Variants in ADK observed in about 807,000 individuals in gnomAD.
The protein encoded by ADK is adenosine kinase.
ADK carries 24 observed loss-of-function variants against 44.7 expected under a neutral mutation model. The observed-to-expected ratio is 0.54, with a 90% CI of 0.39 to 0.76. The LOEUF is 0.76. Ranked by LOEUF, ADK falls within the 30% of genes least tolerant of loss-of-function variation. The pLI is 0.00. For synonymous variants in ADK, 128 were observed against 142.6 expected, an observed-to-expected ratio of 0.90 and a Z score of 0.73; for missense variants, 321 against 425.1, an observed-to-expected ratio of 0.76 and a Z score of 2.15.
chr10:74,628,878 G>A (rs751406103), intron 9 of ADK, among the ~76,000 whole-genome samples: 9 of 152,146 alleles, frequency 5.9e-5, no homozygotes, highest in Non-Finnish European at 1.2e-4. Flanking sequence ...GACTAGGAGG[G>A]ATAATCAGTC....
intron 3 of ADK, among the ~76,000 whole-genome samples, chr10:74,285,033 C>T (rs1424260380): frequency 6.6e-6 from 1 of 152,188 alleles, no homozygotes; most frequent in African/African-American, 2.4e-5. Flanking sequence ...GTGCTAGGCA[C>T]TTCATGTATT....
chr10:74,187,202 C>A (rs1042071981), intron 1 of ADK, among the ~76,000 whole-genome samples: 1 of 151,874 alleles, frequency 6.6e-6, no homozygotes, highest in African/African-American at 2.4e-5. Flanking sequence ...TGATTATTGG[C>A]CATTTGCTTA....
intron 4 of ADK, among the ~76,000 whole-genome samples, chr10:74,343,690 C>A (rs182348764): frequency 4.7e-4 from 71 of 152,302 alleles, no homozygotes; most frequent in Non-Finnish European, 8.5e-4. Context: ...CTCACTGCAA[C>A]TTCTGCCTCC....
At chr10:74,363,205 T>A (rs1484422840) in intron 4 of ADK, among the ~76,000 whole-genome samples, 1 of 152,148 alleles carries the variant, frequency 6.6e-6, no homozygotes, top group Non-Finnish European at 1.5e-5. Flanking sequence ...CAGTTGGGCG[T>A]GTGTCTCCCA....
At chr10:74,541,682 A>G (rs1340319263) in intron 7 of ADK, among the ~76,000 whole-genome samples, 1 of 151,274 alleles carries the variant, frequency 6.6e-6, no homozygotes, top group Non-Finnish European at 1.5e-5. Flanking sequence ...AGTCCCAACT[A>G]CTTGGGAGGC....
chr10:74,502,105 C>G (rs1458172521), intron 6 of ADK, among the ~76,000 whole-genome samples: 1 of 152,092 alleles, frequency 6.6e-6, no homozygotes, highest in Non-Finnish European at 1.5e-5. Context: ...TAAAACTCAT[C>G]AAGATTAAAT....
chr10:74,299,514 A>G (rs1839929060), intron 3 of ADK, among the ~76,000 whole-genome samples: 1 of 83,578 alleles, frequency 1.2e-5, no homozygotes, highest in Non-Finnish European at 3.3e-5. Flanking sequence ...AAAAAAAAAG[A>G]AATATATATA....
intron 6 of ADK, among the ~76,000 whole-genome samples, chr10:74,514,625 T>C (rs193102017): frequency 1.3e-5 from 2 of 152,294 alleles, no homozygotes; most frequent in East Asian, 3.9e-4. Context: ...TATCTGTCTT[T>C]GTTGAATTTC....
intron 3 of ADK, among the ~76,000 whole-genome samples, chr10:74,282,485 T>G (rs1454921915): frequency 6.6e-6 from 1 of 152,334 alleles, no homozygotes; most frequent in East Asian, 1.9e-4. Context: ...TGTACTAAAA[T>G]ATTACGAATA....
chr10:74,337,273 C>A (rs780787559), intron 4 of ADK, among the ~76,000 whole-genome samples: 1 of 152,168 alleles, frequency 6.6e-6, no homozygotes, highest in Non-Finnish European at 1.5e-5. Flanking sequence ...CTGGGAAAGT[C>A]AGTGTCAAAT....
chr10:74,354,195 T>C (rs1306923251), intron 4 of ADK, among the ~76,000 whole-genome samples: 1 of 152,230 alleles, frequency 6.6e-6, no homozygotes, highest in African/African-American at 2.4e-5. Flanking sequence ...GTCTTGAGCA[T>C]GTGGAATTAG....
chr10:74,251,220 A>G (rs1845639714), intron 3 of ADK, among the ~76,000 whole-genome samples: 1 of 152,246 alleles, frequency 6.6e-6, no homozygotes, highest in African/African-American at 2.4e-5. Flanking sequence ...TGAGGGCAGG[A>G]GTAAACCTAA....
At chr10:74,329,531 T>C (rs1424913490) in intron 4 of ADK, among the ~76,000 whole-genome samples, 2 of 152,240 alleles carry the variant, frequency 1.3e-5, no homozygotes, top group Admixed American at 6.5e-5. Context: ...AGAATTTTCA[T>C]TTAAAAATCT....
chr10:74,187,800 G>A (rs1260089961), intron 1 of ADK, among the ~76,000 whole-genome samples: 2 of 151,960 alleles, frequency 1.3e-5, no homozygotes, highest in Non-Finnish European at 2.9e-5. Flanking sequence ...ATCATGTAAG[G>A]GTTTCTCAAA....
chr10:74,454,518 C>T (rs991715886), intron 6 of ADK, among the ~76,000 whole-genome samples: 34 of 151,986 alleles, frequency 2.2e-4, no homozygotes, highest in Non-Finnish European at 1.5e-4. Context: ...ATCCAAGTTG[C>T]GCTGCTTACT....
intron 4 of ADK, among the ~76,000 whole-genome samples, chr10:74,325,770 G>A (rs1412064095): frequency 6.6e-6 from 1 of 151,994 alleles, no homozygotes; most frequent in Non-Finnish European, 1.5e-5. Flanking sequence ...ATATATCACA[G>A]TTATTGATTT....
Position 74,525,408 on chromosome 10 carries a change from A to G in ADK, c.708A>G (p.Ile236Met). 1 of 1,612,890 alleles carries G rather than the reference A, an allele frequency of 6.2e-7. No individual in the cohort carries two copies. Among genetic ancestry groups the G allele is most frequent in the Non-Finnish European group, 8.5e-7 (1 of 1,179,742 alleles). Residue 236 changes from isoleucine (I) to methionine (M), a missense_variant, in exon 7 of 11, where the codon ATA (isoleucine) becomes ATG (methionine). Coordinates refer to ENST00000539909, the MANE Select transcript of ADK (RefSeq NM_006721.4). ...TGAAAGTTATGCCTTATGTTGATAT[A>G]CTTTTTGGAAATGAGACAGTGAGTT... is the stretch of plus-strand genomic sequence containing the variant. ...SLMKVMPYVD[I>M]LFGNETEAAT... is the part of the protein sequence containing the mutation.
chr10:74,362,091 T>C (rs991393098), intron 4 of ADK, among the ~76,000 whole-genome samples: 11 of 152,180 alleles, frequency 7.2e-5, no homozygotes, highest in Non-Finnish European at 1.2e-4. Flanking sequence ...TTAGTCTACC[T>C]GAATATTTAT....
intron 6 of ADK, among the ~76,000 whole-genome samples, chr10:74,520,353 GATTA>G: frequency 6.6e-6 from 1 of 150,662 alleles, no homozygotes; most frequent in East Asian, 1.9e-4. Context: ...ATCCACAGTT[GATTA>G]ATTATAGTCA....
Sources: allele counts gnomAD v4.1 joint callset (sites outside exome capture counted in the v4.1 genomes callset), GRCh38; gene constraint gnomAD v4.1.1; transcripts MANE v1.5; gene names NCBI Gene and HGNC (gene_info 2026-07-23, HGNC 2026-07-21).